The following TLR10 variants were observed in gnomAD, a reference collection of about 807,000 sequenced individuals.
The protein encoded by TLR10 is toll-like receptor 10.
For synonymous variants in TLR10, 288 were observed against 338.8 expected (o/e 0.85, Z 1.65); for missense variants, 929 against 932.9 (o/e 1.00, Z 0.05).
chr4:38,780,324 A>C (rs1725320215), intron 1 of TLR10, among the ~76,000 whole-genome samples: 1 of 151,788 alleles, frequency 6.6e-6, no homozygotes, highest in Admixed American at 6.6e-5. Context: ...TAATCACTTG[A>C]ACCCAAAAGG....
chr4:38,774,914 C>T lies in TLR10; in HGVS notation c.677G>A (p.Ser226Asn), dbSNP rs575208052. 1.9e-6 allele frequency: 3 copies of T among 1,611,262 alleles called. No individual in the cohort carries two copies. The highest frequency in any genetic ancestry group is 3.4e-5 in the Admixed American group (2 of 59,374). The change falls in exon 4 of 4, where the codon AGC (serine) becomes AAC (asparagine). Residue 226 changes from serine to asparagine, a missense_variant. Ser to Asn is a conservative substitution (Grantham distance 46). Transcript: ENST00000308973. ...TTGCATTTCATAACTTACAAATTGG[C>T]TTTTGCCATCTATATTTGTCATTTC... Reference protein sequence around the residue: ...ILEMTNIDGKSQFVSYEMQRN... With the variant: ...ILEMTNIDGKNQFVSYEMQRN...
Position 38,775,140 on chromosome 4 carries a change from C to T in TLR10, c.451G>A (p.Gly151Arg). 1 of 1,613,780 alleles carries T rather than the reference C, an allele frequency of 6.2e-7. No homozygotes were observed. The highest frequency in any genetic ancestry group is 8.5e-7 in the Non-Finnish European group (1 of 1,179,998). ...MSHLEILGLS[G>R]AKIQKSDFQK... Reference sequence around the variant, plus strand: ...AAATCTGATTTTTGTATTTTTGCCCCACTCAAACCTAGGATTTCCAGGTGT... The same window carrying T: ...AAATCTGATTTTTGTATTTTTGCCCTACTCAAACCTAGGATTTCCAGGTGT... The change falls in exon 4 of 4, where the codon GGG becomes AGG. Residue 151 changes from glycine (G) to arginine (R), a missense_variant. Gly to Arg is a moderately radical substitution (Grantham distance 125, BLOSUM62 -2). Transcript: ENST00000308973.
At position 38,773,830 on chromosome 4, in the gene TLR10, C is replaced by CA; in HGVS notation, c.1760dup (p.Met587IlefsTer16). Reference sequence around the variant, plus strand: ...AGGCCACAGCCAACCCCAGAACTAGCATAATAACCACAATGGTGACAATCA... The same window carrying CA: ...AGGCCACAGCCAACCCCAGAACTAGCAATAATAACCACAATGGTGACAATCA... On this transcript the variant is annotated frameshift_variant, in exon 4 of 4. Transcript: ENST00000308973. LOFTEE classifies it low-confidence loss of function (END_TRUNC). 6.3e-7 allele frequency: 1 copy of CA among 1,586,362 alleles called. No individual in the cohort carries two copies. Among genetic ancestry groups the CA allele is most frequent in the South Asian group, 1.2e-5 (1 of 85,598 alleles).
intron 1 of TLR10, among the ~76,000 whole-genome samples, chr4:38,782,434 C>T (rs1041574279): frequency 2.0e-5 from 3 of 152,206 alleles, no homozygotes; most frequent in African/African-American, 7.2e-5. Context: ...ATATGGCCCT[C>T]TTTGTCCACT....
Position 38,772,974 on chromosome 4 carries a change from C to T in TLR10, c.*181G>A. 1.9e-6 allele frequency: 1 copy of T among 513,688 alleles called. No homozygotes were observed. Among genetic ancestry groups the T allele is most frequent in the Non-Finnish European group, 3.1e-6 (1 of 326,780 alleles). 31.8% of individuals were successfully genotyped at this position (513,688 alleles called of 1,614,324 possible). ...GGATGAACACCTTTTTCCATAAGCC[C>T]TTATAAACTTGTGAAGGTGTTTCTA... On this transcript the variant is annotated 3_prime_UTR_variant, in exon 4 of 4. Transcript: ENST00000308973.
In TLR10 at chr4:38,781,004, G is replaced by A. The variant is rs533390185; in HGVS notation, c.-569+1917C>T. Among the ~76,000 whole-genome samples the A allele has an allele frequency of 2.7e-4, 40 of 150,260 alleles. No individual in the cohort carries two copies. The South Asian group carries it at 6.7e-3, about 25-fold the overall frequency. ...ACCCAGTTGCTTTAGCTGGAACTCTGCGCTGAGAAGTCAGAGTTTCTATCT... is the reference window on the plus strand; with the variant it reads ...ACCCAGTTGCTTTAGCTGGAACTCTACGCTGAGAAGTCAGAGTTTCTATCT... On this transcript the variant is annotated intron_variant, in intron 1 of 3. Coordinates refer to ENST00000308973, the MANE Select transcript of TLR10 (RefSeq NM_030956.4).
At position 38,775,148 on chromosome 4, in the gene TLR10, C is replaced by T; in HGVS notation, c.443G>A (p.Gly148Asp). 1 of 1,613,908 alleles carries T rather than the reference C, an allele frequency of 6.2e-7. No homozygotes were observed. The highest frequency in any genetic ancestry group is 8.5e-7 in the Non-Finnish European group (1 of 1,179,998). The stretch of plus-strand genomic sequence containing the variant: ...TTTTTGTATTTTTGCCCCACTCAAA[C>T]CTAGGATTTCCAGGTGTGACATGTT... ...AGNMSHLEIL[G>D]LSGAKIQKSD... The change falls in exon 4 of 4, where the codon GGT becomes GAT. Residue 148 changes from glycine to aspartate, a missense_variant. Gly to Asp is a moderately conservative substitution (Grantham distance 94). Coordinates refer to ENST00000308973, the MANE Select transcript of TLR10 (RefSeq NM_030956.4).
chr4:38,780,599 A>G (rs1248757452), intron 1 of TLR10, among the ~76,000 whole-genome samples: 3 of 152,100 alleles, frequency 2.0e-5, no homozygotes, highest in Non-Finnish European at 2.9e-5. Context: ...TACCATGCCT[A>G]GCATATCACA....
At position 38,773,924 on chromosome 4, in the gene TLR10, G is replaced by T. The variant is rs1050455093; in HGVS notation, c.1667C>A (p.Pro556His). 1 of 1,589,008 alleles carries T rather than the reference G, an allele frequency of 6.3e-7. No individual in the cohort carries two copies. Among genetic ancestry groups the T allele is most frequent in the Non-Finnish European group, 8.6e-7 (1 of 1,168,106 alleles). The change falls in exon 4 of 4, where the codon CCT becomes CAT. Residue 556 changes from proline (P) to histidine (H), a missense_variant. Transcript: ENST00000308973. Reference protein sequence around the residue: ...GWSDSYTCEYPLNLRGTRLKD... With the variant: ...GWSDSYTCEYHLNLRGTRLKD... ...TAACCTAGTTCCCCTTAGGTTTAAA[G>T]GGTATTCACAGGTGTATGAATCTGA...
In TLR10 at chr4:38,773,862, C is replaced by T. The variant is rs1271858642; in HGVS notation, c.1729G>A (p.Ala577Thr). 2 of 1,592,588 alleles carry T rather than the reference C, an allele frequency of 1.3e-6. No homozygotes were observed. The highest frequency in any genetic ancestry group is 1.8e-5 in the Admixed American group (1 of 56,892). ...ACCACAATGGTGACAATCAACAGAG[C>T]TGTGTTGCAAGATAATTCGTGGAGA... ...VHLHELSCNT[A>T]LLIVTIVVIM... Residue 577 changes from alanine (A) to threonine (T), a missense_variant, in exon 4 of 4, where the codon GCT becomes ACT. By Grantham distance (58) the Ala-to-Thr change is moderately conservative (BLOSUM62 0). Transcript: ENST00000308973.
rs981065619 is a variant in TLR10 at position 38,772,518 on chromosome 4, C to T, written c.*637G>A. 1 of 151,936 alleles carries T rather than the reference C, an allele frequency of 6.6e-6. No individual in the cohort carries two copies. The highest frequency in any genetic ancestry group is 2.4e-5 in the African/African-American group (1 of 41,358). The allele number at this position is 151,936 out of a possible 1,614,324, so 9.4% of individuals were successfully genotyped here. The stretch of plus-strand genomic sequence containing the variant: ...TCCATACCAGGAAATATACAGCTAC[C>T]TTATTCTTTTTAGTGGCATGTAATA... On this transcript the variant is annotated 3_prime_UTR_variant, in exon 4 of 4. Transcript: ENST00000308973.
Position 38,773,812 on chromosome 4 carries a change from A to C in TLR10, c.1779T>G (p.Ala593=). 1 of 1,592,404 alleles carries C rather than the reference A, an allele frequency of 6.3e-7. No homozygotes were observed. Among genetic ancestry groups the C allele is most frequent in the Non-Finnish European group, 8.5e-7 (1 of 1,170,276 alleles). ...IVVIMLVLGL[A]VAFCCLHFDL... ...CAAAGTGGAGACAGCAGAAGGCCAC[A>C]GCCAACCCCAGAACTAGCATAATAA... The change falls in exon 4 of 4, where the codon GCT becomes GCG. Residue 593 remains alanine (A), a synonymous_variant. Transcript: ENST00000308973.
Position 38,776,307 on chromosome 4 carries a change from T to A in TLR10, c.-449A>T, listed in dbSNP as rs904611480. ...ATGGTGTTAGTCATTAAAAGAAAGA[T>A]CTAAATGTCTGAAACCTGCCAGTGA... On this transcript the variant is annotated 5_prime_UTR_variant, in exon 2 of 4. Coordinates refer to ENST00000308973, the MANE Select transcript of TLR10 (RefSeq NM_030956.4). The A allele has an allele frequency of 9.3e-6, 2 of 215,652 alleles. No homozygotes were observed. Among genetic ancestry groups the A allele is most frequent in the Non-Finnish European group, 2.0e-5 (2 of 100,656 alleles). The allele number at this position is 215,652 out of a possible 1,614,324, so 13.4% of individuals were successfully genotyped here.
rs11466659 is a variant in TLR10 at position 38,773,784 on chromosome 4, G to A, written c.1807C>T (p.Leu603=). 5.1e-3 allele frequency: 8,237 copies of A among 1,604,216 alleles called. 384 individuals are homozygous for A. The African/African-American group carries it at 0.098, about 19-fold the overall frequency. ...AVAFCCLHFD[L]PWYLRMLGQC... is the part of the protein sequence containing the mutation. Reference sequence around the variant, plus strand: ...CCTAGCATCCTGAGATACCAGGGCAGATCAAAGTGGAGACAGCAGAAGGCC... The same window carrying A: ...CCTAGCATCCTGAGATACCAGGGCAAATCAAAGTGGAGACAGCAGAAGGCC... Residue 603 remains leucine (L), a synonymous_variant, in exon 4 of 4, where the codon CTG becomes TTG. Coordinates refer to ENST00000308973, the MANE Select transcript of TLR10 (RefSeq NM_030956.4).
Position 38,772,734 on chromosome 4 carries a change from T to A in TLR10, c.*421A>T, listed in dbSNP as rs1247910503. 1 of 152,408 alleles carries A rather than the reference T, an allele frequency of 6.6e-6. No individual in the cohort carries two copies. The highest frequency in any genetic ancestry group is 1.9e-4 in the East Asian group (1 of 5,192). 9.4% of individuals were successfully genotyped at this position (152,408 alleles called of 1,614,324 possible). ...ACCTCCCGGGTTCAAGCGATTCTCC[T>A]GCCTCAGCCTCCCAAGTAGCTGGGA... On this transcript the variant is annotated 3_prime_UTR_variant, in exon 4 of 4. Coordinates refer to ENST00000308973, the MANE Select transcript of TLR10 (RefSeq NM_030956.4).
rs1724871329 is a variant in TLR10 at position 38,774,250 on chromosome 4, T to A, written c.1341A>T (p.Ile447=). ...VFRCLPKSIQ[I]LDLNNNQIQT... ...GGATTTGGTTATTATTTAGGTCAAG[T>A]ATTTGAATACTTTTGGGCAAGCACC... is the stretch of plus-strand genomic sequence containing the variant. The change falls in exon 4 of 4, where the codon ATA becomes ATT. Residue 447 remains isoleucine, a synonymous_variant. Transcript: ENST00000308973. The A allele has an allele frequency of 6.2e-7, 1 of 1,614,008 alleles. No homozygotes were observed.
intron 3 of TLR10, 55 bp from the exon 4 acceptor site, chr4:38,775,707 A>T: frequency 8.9e-7 from 1 of 1,118,716 alleles, no homozygotes. Flanking sequence ...ATCCTGTAGG[A>T]TTTTTATTTG....
intron 1 of TLR10, among the ~76,000 whole-genome samples, chr4:38,782,215 C>T (rs977507095): frequency 2.6e-5 from 4 of 152,190 alleles, no homozygotes; most frequent in Non-Finnish European, 5.9e-5. Context: ...TGCTGTGGGA[C>T]ACTCTGCTAG....
chr4:38,775,031 AT>A lies in TLR10; in HGVS notation c.559del (p.Ile187SerfsTer2). ...AATGTGCAGTTTTGTTGTGTTTAAG[AT>A]GGGCAGGCTACCTTCTTCATAATGA... ...LPHYEEGSLP[I>X]LNTTKLHIVL... is the part of the protein sequence containing the mutation. On this transcript the variant is annotated frameshift_variant, in exon 4 of 4. Transcript: ENST00000308973. LOFTEE classifies it low-confidence loss of function (END_TRUNC). 1 of 1,612,638 alleles carries A rather than the reference AT, an allele frequency of 6.2e-7. No homozygotes were observed. Among genetic ancestry groups the A allele is most frequent in the East Asian group, 2.2e-5 (1 of 44,872 alleles).
Sources: allele counts gnomAD v4.1 joint callset (sites outside exome capture counted in the v4.1 genomes callset), GRCh38; gene constraint gnomAD v4.1.1; transcripts MANE v1.5; gene names NCBI Gene and HGNC (gene_info 2026-07-23, HGNC 2026-07-21).